FBXL18: variants seen among roughly 807,000 people sequenced by gnomAD.
FBXL18 encodes the protein F-box and leucine rich repeat protein 18.
Under a neutral mutation model 46.0 loss-of-function variants are expected in FBXL18, and 36 were observed. The observed-to-expected ratio is 0.78, with a 90% CI of 0.60 to 1.03. The LOEUF (loss-of-function observed/expected upper bound fraction) is 1.03. Among genes scored for constraint, FBXL18 ranks in the 50% least tolerant of loss-of-function variants. The probability of loss-of-function intolerance (pLI) is 0.00; values close to 1 mark genes in which losing one functional copy is unlikely to be tolerated. For missense variants in FBXL18, 977 were observed against 1,004.1 expected (o/e 0.97, Z 0.36); for synonymous variants, 557 against 465.3 (o/e 1.20, Z -2.54).
chr7:5,480,546 ATATTTTTTTTTTTTTTTTT>A lies in FBXL18; in HGVS notation c.*1210_*1228del, dbSNP rs1783616699. 1 of 55,414 alleles carries A rather than the reference ATATTTTTTTTTTTTTTTTT, an allele frequency of 1.8e-5. No individual in the cohort carries two copies. The highest frequency in any genetic ancestry group is 3.3e-5 in the Non-Finnish European group (1 of 30,440). 3.4% of individuals were successfully genotyped at this position (55,414 alleles called of 1,614,324 possible). On this transcript the variant is annotated 3_prime_UTR_variant, in exon 5 of 5. Transcript: ENST00000382368. ...GTGTTGAATATATATATATATATAT[ATATTTTTTTTTTTTTTTTT>A]TTTTTTTTTTTTTTTTGAGGCGGAG...
chr7:5,492,232 A>G (rs891917806), intron 3 of FBXL18, among the ~76,000 whole-genome samples: 10 of 149,682 alleles, frequency 6.7e-5, no homozygotes, highest in African/African-American at 2.5e-4. Context: ...GAGTCTGTCC[A>G]TGCAGACAGA....
chr7:5,465,466 GGACTGATTGATT>G (rs1295143388), intron 4 of FBXL18, among the ~76,000 whole-genome samples: 2 of 151,720 alleles, frequency 1.3e-5, no homozygotes, highest in African/African-American at 2.4e-5. Flanking sequence ...CTCTCAAAGT[GGACTGATTGATT>G]GACTGATTGA....
chr7:5,504,497 G>C, intron 2 of FBXL18, among the ~76,000 whole-genome samples: 1 of 145,246 alleles, frequency 6.9e-6, no homozygotes, highest in Non-Finnish European at 1.5e-5. Context: ...GTAGAGACAG[G>C]GTTTCACCAT....
At chr7:5,507,509 T>C (rs963233744) in intron 1 of FBXL18, among the ~76,000 whole-genome samples, 2 of 152,122 alleles carry the variant, frequency 1.3e-5, no homozygotes, top group African/African-American at 4.8e-5. Context: ...GGTTAGACAC[T>C]TACTTCTACC....
At chr7:5,463,743 T>TTTTA (rs1783299138) in intron 4 of FBXL18, among the ~76,000 whole-genome samples, 2 of 47,070 alleles carry the variant, frequency 4.2e-5, no homozygotes, top group African/African-American at 1.3e-4. Context: ...TTTTTTTTTT[T>TTTTA]TTTTTTTTTT....
At chr7:5,513,538 C>T (rs906097384) in intron 1 of FBXL18, 119 bp downstream of exon 1, 2 of 1,156,112 alleles carry the variant, frequency 1.7e-6, no homozygotes, top group African/African-American at 1.5e-5. Context: ...ATGGGAAGGA[C>T]GGGGCGGGGT....
At chr7:5,462,962 AAAAAAAAAT>A (rs1232672014) in intron 4 of FBXL18, among the ~76,000 whole-genome samples, 413 of 22,302 alleles carry the variant, frequency 0.019, 12 homozygotes, top group South Asian at 0.074. Flanking sequence ...AAAAAAAAAA[AAAAAAAAAT>A]ATATATATAT....
In FBXL18 at chr7:5,501,711, G is replaced by A. The variant is rs1554324121; in HGVS notation, c.558C>T (p.Gly186=). 1.3e-6 allele frequency: 2 copies of A among 1,587,906 alleles called. No homozygotes were observed. Among genetic ancestry groups the A allele is most frequent in the East Asian group, 4.6e-5 (2 of 43,446 alleles). The change falls in exon 3 of 5, where the codon GGC becomes GGT. Residue 186 remains glycine, a synonymous_variant. Coordinates refer to ENST00000382368, the MANE Select transcript of FBXL18 (RefSeq NM_024963.6). ...CTAGGCTGGTGCAGCAGGGCACCAC[G>A]CCGTAGGAGGGAGTGAACAGCGTCT... The part of the protein sequence containing the change: ...LKQTLFTPSY[G]VVPCCTSLEK...
Position 5,480,005 on chromosome 7 carries a change from T to C in FBXL18, c.*1770A>G, listed in dbSNP as rs1040674901. Among the ~76,000 whole-genome samples, 2 of 152,134 alleles carry C rather than the reference T, an allele frequency of 1.3e-5. No homozygotes were observed. Among genetic ancestry groups the C allele is most frequent in the Non-Finnish European group, 2.9e-5 (2 of 68,016 alleles). ...TGGGAGGCAGCCTGCACAGGAGGGC[T>C]GTACCTCCCCACAGCTCTGACCCCA... is the stretch of plus-strand genomic sequence containing the variant. On this transcript the variant is annotated 3_prime_UTR_variant, in exon 5 of 5. Transcript: ENST00000382368.
downstream of FBXL18, among the ~76,000 whole-genome samples, chr7:5,471,207 G>A (rs1301562426): frequency 1.3e-5 from 2 of 152,180 alleles, no homozygotes; most frequent in African/African-American, 4.8e-5. Context: ...GGCTCCTGGG[G>A]GCAGCCAAAG....
At chr7:5,460,523 C>T (rs56727364) in intron 4 of FBXL18, among the ~76,000 whole-genome samples, 5 of 152,154 alleles carry the variant, frequency 3.3e-5, no homozygotes, top group Admixed American at 1.3e-4. Context: ...GTGCGATCTC[C>T]GCTCACCGCA....
chr7:5,487,060 G>T (rs1326209093), intron 4 of FBXL18, among the ~76,000 whole-genome samples: 1 of 152,266 alleles, frequency 6.6e-6, no homozygotes, highest in Non-Finnish European at 1.5e-5. Flanking sequence ...GGGAGCCCCA[G>T]CGCCACCTGC....
At chr7:5,503,997 C>G (rs1784331283) in intron 2 of FBXL18, among the ~76,000 whole-genome samples, 1 of 151,292 alleles carries the variant, frequency 6.6e-6, no homozygotes, top group Non-Finnish European at 1.5e-5. Context: ...TGGATGTACA[C>G]CGAGAGGCAC....
chr7:5,485,075 C>G (rs1347818772), intron 4 of FBXL18, among the ~76,000 whole-genome samples: 1 of 152,168 alleles, frequency 6.6e-6, no homozygotes, highest in Admixed American at 6.6e-5. Flanking sequence ...AGCCATGGCA[C>G]CCAGCCAGGA....
At chr7:5,499,127 C>G (rs1434524865) in intron 3 of FBXL18, among the ~76,000 whole-genome samples, 1 of 152,168 alleles carries the variant, frequency 6.6e-6, no homozygotes, top group Non-Finnish European at 1.5e-5. Flanking sequence ...CTCCTAGTCC[C>G]AAGGACCATC....
Position 5,500,614 on chromosome 7 carries a change from T to C in FBXL18, c.1655A>G (p.Asn552Ser), listed in dbSNP as rs74478333. ...PSVLTGSGLV[N>S]IGLQCQQLRS... is the part of the protein sequence containing the mutation. ...CAACTGCTGGCACTGCAGGCCGATA[T>C]TGACCAGCCCGGAGCCCGTAAGGAC... Residue 552 changes from asparagine (N) to serine (S), a missense_variant, in exon 3 of 5, where the codon AAT becomes AGT. Transcript: ENST00000382368. The C allele has an allele frequency of 1.7e-3, 2,811 of 1,613,266 alleles. 56 individuals are homozygous for C. The African/African-American group carries it at 0.034, about 19-fold the overall frequency.
chr7:5,506,731 G>A (rs944458167), intron 1 of FBXL18, among the ~76,000 whole-genome samples: 7 of 151,992 alleles, frequency 4.6e-5, no homozygotes, highest in Admixed American at 2.0e-4. Context: ...TAATTTTTGT[G>A]TTTTTAGTAA....
intron 1 of FBXL18, among the ~76,000 whole-genome samples, chr7:5,512,574 C>T (rs1784568680): frequency 6.6e-6 from 1 of 152,164 alleles, no homozygotes; most frequent in Admixed American, 6.6e-5. Flanking sequence ...CGCTGCACTA[C>T]AGCCTGGGCG....
chr7:5,486,382 G>A (rs1331544994), intron 4 of FBXL18, among the ~76,000 whole-genome samples: 3 of 152,012 alleles, frequency 2.0e-5, no homozygotes, highest in Non-Finnish European at 2.9e-5. Context: ...TCGTGCCACT[G>A]CACTCCAGCC....
Sources: gnomAD v4.1 joint callset for allele counts (sites outside exome capture counted in the v4.1 genomes callset) on GRCh38, gnomAD v4.1.1 for gene constraint, MANE v1.5 for transcripts, NCBI Gene and HGNC (gene_info 2026-07-23, HGNC 2026-07-21) for gene names.